Variants in USB1 observed in about 807,000 individuals in gnomAD.
USB1 encodes the protein U6 snRNA biogenesis phosphodiesterase 1, also known as U6 snRNA phosphodiesterase 1.
USB1 carries 21 observed loss-of-function variants against 29.9 expected under a neutral mutation model. That is an observed-to-expected ratio of 0.70 (90% confidence interval 0.50 to 1.01). USB1 has a LOEUF of 1.01. Ranked by LOEUF, USB1 falls within the 50% of genes least tolerant of loss-of-function variation. The pLI is 0.00. For synonymous variants in USB1, 143 were observed against 134.9 expected (o/e 1.06, Z -0.42); for missense variants, 330 against 347.1 (o/e 0.95, Z 0.39).
Position 58,012,106 on chromosome 16 carries a change from G to A in USB1, c.449+1994G>A, listed in dbSNP as rs1001894886. The A allele has an allele frequency of 1.1e-5, 16 of 1,392,632 alleles. No homozygotes were observed. The African/African-American group carries it at 1.9e-4, about 16-fold the overall frequency. 86.3% of individuals were successfully genotyped at this position (1,392,632 alleles called of 1,614,324 possible). ...ACAGTTCAGGGGGCCATAGGCCCAG[G>A]AATTCCATAGGATGTCACTGCCCAA... On this transcript the variant is annotated intron_variant, in intron 3 of 6. Coordinates refer to ENST00000219281, the MANE Select transcript of USB1 (RefSeq NM_024598.4).
chr16:58,018,505 T>G (rs1213016198), intron 5 of USB1, among the ~76,000 whole-genome samples: 1 of 152,110 alleles, frequency 6.6e-6, no homozygotes, highest in East Asian at 1.9e-4. Flanking sequence ...ATTACAGGTG[T>G]GAGCCACTGC....
chr16:58,018,902 C>T lies in USB1; in HGVS notation c.610-70C>T. On this transcript the variant is annotated intron_variant, in intron 5 of 6. Transcript: ENST00000219281. ...CAGGGATGTCACGACAGCTCTGTCA[C>T]AGACCTGCTGTGAGGGCAGGGCCTG... 3 of 1,495,416 alleles carry T rather than the reference C, an allele frequency of 2.0e-6. No individual in the cohort carries two copies. The East Asian group carries it at 6.8e-5, about 34-fold the overall frequency. The allele number at this position is 1,495,416 out of a possible 1,614,324, so 92.6% of individuals were successfully genotyped here. A position where few individuals can be genotyped will look rare whatever the true frequency, so the allele number is the denominator to read the frequency against.
intron 3 of USB1, chr16:58,011,126 A>G (rs971729472): frequency 4.8e-6 from 6 of 1,244,936 alleles, no homozygotes; most frequent in Non-Finnish European, 6.8e-6. Context: ...CACAGACCAG[A>G]TAATAGAACA....
At position 58,020,439 on chromosome 16, in the gene USB1, TTC is replaced by T. The variant is rs947163621; in HGVS notation, c.*202_*203del. 39 of 627,736 alleles carry T rather than the reference TTC, an allele frequency of 6.2e-5. No homozygotes were observed. The highest frequency in any genetic ancestry group is 9.2e-5 in the Non-Finnish European group (32 of 348,322). 38.9% of individuals were successfully genotyped at this position (627,736 alleles called of 1,614,324 possible). A position where few individuals can be genotyped will look rare whatever the true frequency, so the allele number is the denominator to read the frequency against. On this transcript the variant is annotated 3_prime_UTR_variant, in exon 7 of 7. Coordinates refer to ENST00000219281, the MANE Select transcript of USB1 (RefSeq NM_024598.4). The stretch of plus-strand genomic sequence containing the variant: ...CTCTCTCTCTTTCTCTTCCTCTTCT[TTC>T]TCTCTCTTCTCCTCTCTTTCTCTCC...
rs367780234 is a variant in USB1, at chr16:58,010,094, G to A, written c.431G>A (p.Arg144His). ...CCCTTCGTGCAGGCTCTGAAAGCCC[G>A]TATGACCTCCTTCCACAGGTGAGTG... is the stretch of plus-strand genomic sequence containing the variant. ...ILPFVQALKA[R>H]MTSFHRFFFT... Residue 144 changes from arginine to histidine, a missense_variant, in exon 3 of 7, where the codon CGT becomes CAT. Transcript: ENST00000219281. The A allele has an allele frequency of 2.5e-5, 41 of 1,613,890 alleles. No individual in the cohort carries two copies. The highest frequency in any genetic ancestry group is 1.3e-4 in the African/African-American group (10 of 74,858).
upstream of USB1, chr16:58,001,328 C>A: frequency 2.4e-6 from 2 of 850,988 alleles, no homozygotes; most frequent in Non-Finnish European, 3.8e-6. Context: ...GCTGAATCTT[C>A]ACCACTGTCC....
chr16:58,011,683 G>A (rs1963500304), intron 3 of USB1: 1 of 987,872 alleles, frequency 1.0e-6, no homozygotes, highest in African/African-American at 1.7e-5. Flanking sequence ...CCAGAGATCA[G>A]TTGGTCCTGT....
chr16:58,004,683 C>G (rs895767981), intron 2 of USB1, among the ~76,000 whole-genome samples: 1 of 152,170 alleles, frequency 6.6e-6, no homozygotes, highest in Non-Finnish European at 1.5e-5. Context: ...ATCTGTAGAT[C>G]AAATTGGGAA....
intron 2 of USB1, 125 bp from the exon 3 acceptor site, chr16:58,009,804 T>C (rs891061678): frequency 1.1e-6 from 1 of 884,498 alleles, no homozygotes; most frequent in South Asian, 1.3e-5. Context: ...CATAGGCTGC[T>C]GTCCAAGTAA....
upstream of USB1, chr16:58,001,397 C>T (rs1963180979): frequency 2.7e-6 from 4 of 1,498,964 alleles, no homozygotes; most frequent in Non-Finnish European, 2.7e-6. Flanking sequence ...GGCCCCGCCC[C>T]TGGGAGGGCG....
chr16:58,008,027 C>G (rs1290825355), intron 2 of USB1, among the ~76,000 whole-genome samples: 2 of 152,032 alleles, frequency 1.3e-5, no homozygotes, highest in Non-Finnish European at 2.9e-5. Flanking sequence ...AGATTTAGGC[C>G]TATTTAGATT....
At chr16:58,000,752 A>G (rs1425486477), upstream of USB1, among the ~76,000 whole-genome samples, 1 of 151,162 alleles carries the variant, frequency 6.6e-6, no homozygotes, top group Non-Finnish European at 1.5e-5. This position sits in a 1 kb window ranked among gnomAD's most constrained non-coding sequence, Gnocchi z 4.5. Flanking sequence ...CCAATGCGGG[A>G]GGAGCGGGCG....
chr16:58,015,392 T>A (rs2142309727), intron 4 of USB1: 1 of 152,274 alleles, frequency 6.6e-6, no homozygotes, highest in South Asian at 2.1e-4. Flanking sequence ...TAAGAAGAAA[T>A]GATTATCCTG....
intron 3 of USB1, chr16:58,012,035 T>C (rs1963508080): frequency 8.1e-7 from 1 of 1,228,882 alleles, no homozygotes; most frequent in Non-Finnish European, 1.0e-6. Context: ...GATGTGTGGC[T>C]GTGTAAAACA....
intron 2 of USB1, 106 bp from the exon 3 acceptor site, chr16:58,009,823 C>T: frequency 7.5e-7 from 1 of 1,335,074 alleles, no homozygotes; most frequent in Middle Eastern, 2.1e-4. Flanking sequence ...AATTTTCTCC[C>T]CAAACCCAGA....
chr16:58,009,915 C>T lies in USB1; in HGVS notation c.266-14C>T. On this transcript the variant is annotated splice_polypyrimidine_tract_variant and intron_variant, in intron 2 of 6. Coordinates refer to ENST00000219281, the MANE Select transcript of USB1 (RefSeq NM_024598.4). ...CTGAGAGAACGGCCCGCCCTCTTTA[C>T]TCCTCCCCTCCAGATGAAGCCAAGG... is the stretch of plus-strand genomic sequence containing the variant. 4 of 1,614,020 alleles carry T rather than the reference C, an allele frequency of 2.5e-6. No homozygotes were observed. Among genetic ancestry groups the T allele is most frequent in the Non-Finnish European group, 3.4e-6 (4 of 1,179,976 alleles).
intron 6 of USB1, among the ~76,000 whole-genome samples, chr16:58,019,322 T>C (rs990063946): frequency 6.6e-6 from 1 of 150,742 alleles, no homozygotes; most frequent in African/African-American, 2.4e-5. Flanking sequence ...ACAAGATCTC[T>C]GGGGATTTGT....
In USB1 at chr16:58,011,223, A is replaced by G. The variant is rs956131870; in HGVS notation, c.449+1111A>G. 2.0e-5 allele frequency: 30 copies of G among 1,487,840 alleles called. No homozygotes were observed. In the Admixed American group the frequency reaches 6.7e-4, roughly 33 times the overall value. The allele number at this position is 1,487,840 out of a possible 1,614,324, so 92.2% of individuals were successfully genotyped here. On this transcript the variant is annotated intron_variant, in intron 3 of 6. Coordinates refer to ENST00000219281, the MANE Select transcript of USB1 (RefSeq NM_024598.4). ...AGGAACTGGAGGCTGAGACCAACAC[A>G]TATGTTATCATTTCACAGTGATAGG...
At chr16:58,007,647 G>T (rs564287822) in intron 2 of USB1, among the ~76,000 whole-genome samples, 8 of 152,094 alleles carry the variant, frequency 5.3e-5, no homozygotes, top group African/African-American at 1.9e-4. Flanking sequence ...CTCCCAAAGT[G>T]CTGGGATGAC....
Sources: allele counts gnomAD v4.1 joint callset (sites outside exome capture counted in the v4.1 genomes callset), GRCh38; gene constraint gnomAD v4.1.1; non-coding constraint Gnocchi (gnomAD v3.1); transcripts MANE v1.5; gene names NCBI Gene and HGNC (gene_info 2026-07-23, HGNC 2026-07-21).